The following SNX4 variants were observed in gnomAD, a reference collection of about 807,000 sequenced individuals.
The protein encoded by SNX4 is sorting nexin 4.
In SNX4, 49 loss-of-function variants were observed where a neutral mutation model predicts 70.8. The observed-to-expected ratio is 0.69, with a 90% CI of 0.55 to 0.88. The LOEUF (loss-of-function observed/expected upper bound fraction) is 0.88. Among genes scored for constraint, SNX4 ranks in the 40% least tolerant of loss-of-function variants. SNX4 has a pLI of 0.00. For missense variants in SNX4, 528 were observed against 544.8 expected (o/e 0.97, Z 0.31); for synonymous variants, 206 against 183.8 (o/e 1.12, Z -0.98).
intron 8 of SNX4, among the ~76,000 whole-genome samples, chr3:125,476,222 C>T (rs916372031): frequency 1.6e-4 from 23 of 141,188 alleles, no homozygotes; most frequent in African/African-American, 3.8e-4. Context: ...GCTGAGATTG[C>T]GCCACTGCAT....
chr3:125,476,902 C>T (rs1312753474), intron 7 of SNX4, 146 bp from the exon 8 acceptor site: 25 of 553,088 alleles, frequency 4.5e-5, no homozygotes, highest in Non-Finnish European at 3.2e-6. Context: ...AATCCCATCC[C>T]CCTAAAACTA....
chr3:125,499,723 G>A (rs1934882403), intron 2 of SNX4, among the ~76,000 whole-genome samples: 2 of 148,714 alleles, frequency 1.3e-5, no homozygotes, highest in South Asian at 4.2e-4. Context: ...CCTATAAGCA[G>A]TACACCTACA....
At chr3:125,463,323 T>C (rs1268707613) in intron 9 of SNX4, among the ~76,000 whole-genome samples, 1 of 152,228 alleles carries the variant, frequency 6.6e-6, no homozygotes, top group Non-Finnish European at 1.5e-5. Flanking sequence ...TTCCTAAGTC[T>C]ATGATTCTGG....
chr3:125,453,628 C>T (rs1434049653), intron 12 of SNX4, among the ~76,000 whole-genome samples, 182 bp downstream of exon 12: 8 of 151,912 alleles, frequency 5.3e-5, no homozygotes, highest in African/African-American at 9.7e-5. Context: ...GGATTACAGG[C>T]GTGAGCCACC....
chr3:125,519,758 C>G (rs1405009889), intron 1 of SNX4, among the ~76,000 whole-genome samples: 1 of 152,086 alleles, frequency 6.6e-6, no homozygotes, highest in Admixed American at 6.5e-5. Context: ...GGGGCGCCCC[C>G]CCGGGTCCCT....
chr3:125,469,433 A>T, intron 9 of SNX4, 21 bp downstream of exon 9: 2 of 1,591,294 alleles, frequency 1.3e-6, no homozygotes, highest in Non-Finnish European at 1.7e-6. Context: ...CAGGCTTCAC[A>T]AAAGTTCTCG....
In SNX4 at chr3:125,448,669, C is replaced by CTTT. The variant is rs921502028; in HGVS notation, c.1306-846_1306-844dup. ...AACAGTAAAACTTAAGGGTTTTTTC[C>CTTT]TTTTTTTTTTTTTTTTTTTTTTTTG... is the stretch of plus-strand genomic sequence containing the variant. On this transcript the variant is annotated intron_variant, in intron 13 of 13. Transcript: ENST00000251775. Among the ~76,000 whole-genome samples the CTTT allele has an allele frequency of 3.6e-3, 341 of 95,340 alleles. 5 individuals carry two copies. Among genetic ancestry groups the CTTT allele is most frequent in the African/African-American group, 7.7e-3 (174 of 22,472 alleles). The allele number at this position is 95,340 out of a possible 152,430, so 62.5% of individuals were successfully genotyped here.
chr3:125,510,338 C>G (rs1275324984), intron 1 of SNX4, among the ~76,000 whole-genome samples: 2 of 151,736 alleles, frequency 1.3e-5, no homozygotes, highest in African/African-American at 4.8e-5. Flanking sequence ...CGCCACCATT[C>G]TCCCGTCTCA....
rs751613360 is a variant in SNX4, at chr3:125,480,244, T to TA, written c.726+2dup. 6.5e-7 allele frequency: 1 copy of TA among 1,544,712 alleles called. No individual in the cohort carries two copies. The highest frequency in any genetic ancestry group is 2.4e-5 in the East Asian group (1 of 42,386). On this transcript the variant is annotated splice_region_variant and intron_variant, in intron 7 of 13. Coordinates refer to ENST00000251775, the MANE Select transcript of SNX4 (RefSeq NM_003794.4). Reference sequence around the variant, plus strand: ...CATCAAAAAGCTTTTGGGGACCACTTACAGCTCTGACTCGAAGAAGATGTG... The same window carrying TA: ...CATCAAAAAGCTTTTGGGGACCACTTAACAGCTCTGACTCGAAGAAGATGTG...
At chr3:125,466,643 G>A (rs2107534530) in intron 9 of SNX4, among the ~76,000 whole-genome samples, 1 of 152,192 alleles carries the variant, frequency 6.6e-6, no homozygotes, top group South Asian at 2.1e-4. Context: ...ATGGGCAAAG[G>A]AGGCCAGGCG....
intron 5 of SNX4, among the ~76,000 whole-genome samples, chr3:125,489,734 G>A (rs751881506): frequency 6.6e-6 from 1 of 152,190 alleles, no homozygotes; most frequent in East Asian, 1.9e-4. Context: ...CAGGCATATA[G>A]CTCTGCATTA....
chr3:125,451,356 T>G lies in SNX4; in HGVS notation c.1254A>C (p.Leu418Phe). 6.2e-7 allele frequency: 1 copy of G among 1,614,018 alleles called. No individual in the cohort carries two copies. The highest frequency in any genetic ancestry group is 8.5e-7 in the Non-Finnish European group (1 of 1,179,922). Residue 418 changes from leucine (L) to phenylalanine (F), a missense_variant, in exon 13 of 14, where the codon TTA (leucine) becomes TTC (phenylalanine). By Grantham distance (22) the Leu-to-Phe change is conservative (BLOSUM62 0). Around this residue, in one of 3 missense-constraint regions of SNX4, gnomAD observed 159 missense variants for 172.6 expected, o/e 0.92. Transcript: ENST00000251775. The part of the protein sequence containing the change: ...ERFKEQKNRD[L>F]KEALISYAVM... ...CTGCATAGCTTATGAGGGCCTCCTT[T>G]AAGTCTCGGTTCTTTTGTTCTTTGA... is the stretch of plus-strand genomic sequence containing the variant.
At chr3:125,501,762 T>TA (rs1269896607) in intron 2 of SNX4, among the ~76,000 whole-genome samples, 2 of 152,208 alleles carry the variant, frequency 1.3e-5, no homozygotes, top group Admixed American at 6.5e-5. Context: ...TTTTTAAGTA[T>TA]AAAATCCATG....
At chr3:125,500,329 T>C (rs1036143068) in intron 2 of SNX4, among the ~76,000 whole-genome samples, 1 of 152,188 alleles carries the variant, frequency 6.6e-6, no homozygotes, top group Non-Finnish European at 1.5e-5. Context: ...CATTACTACC[T>C]ATTCTAAAAG....
chr3:125,486,521 G>A (rs1424211553), intron 6 of SNX4, among the ~76,000 whole-genome samples: 1 of 152,154 alleles, frequency 6.6e-6, no homozygotes, highest in Non-Finnish European at 1.5e-5. Flanking sequence ...AGCTACTCAG[G>A]AGGCTGAGGC....
intron 1 of SNX4, among the ~76,000 whole-genome samples, chr3:125,516,375 T>C (rs1326533499): frequency 6.6e-6 from 1 of 152,216 alleles, no homozygotes; most frequent in Non-Finnish European, 1.5e-5. Flanking sequence ...TAAATAGAAC[T>C]GACTATAGCT....
Position 125,498,097 on chromosome 3 carries a change from A to G in SNX4, c.361T>C (p.Tyr121His), listed in dbSNP as rs1227221085. Residue 121 changes from tyrosine (Y) to histidine (H), a missense_variant, in exon 3 of 14, where the codon TAT (tyrosine) becomes CAT (histidine). Transcript: ENST00000251775. The stretch of plus-strand genomic sequence containing the variant: ...AGAGGTGGCACAACAATATGTGGAT[A>G]GTAAACTAAAAGGTAGCTTCTCAAC... ...ELLRSYLLVY[Y>H]PHIVVPPLPE... 1 of 1,614,224 alleles carries G rather than the reference A, an allele frequency of 6.2e-7. No homozygotes were observed. The highest frequency in any genetic ancestry group is 1.7e-5 in the Admixed American group (1 of 60,028).
intron 7 of SNX4, among the ~76,000 whole-genome samples, chr3:125,479,517 T>TGCACTG (rs200155935): frequency 0.041 from 6,212 of 152,162 alleles, 216 homozygotes; most frequent in East Asian, 0.12. Flanking sequence ...ATTGTGCCAC[T>TGCACTG]GCACTCCAGC....
chr3:125,497,521 C>T, intron 4 of SNX4, 133 bp from the exon 5 acceptor site: 1 of 667,724 alleles, frequency 1.5e-6, no homozygotes, highest in Admixed American at 2.8e-5. Flanking sequence ...TTTCTTTTCA[C>T]TTCAAAATTA....
Sources: gnomAD v4.1 joint callset for allele counts (sites outside exome capture counted in the v4.1 genomes callset) on GRCh38, gnomAD v4.1.1 for gene constraint, gnomAD v4.1.1 regional missense constraint, MANE v1.5 for transcripts, NCBI Gene and HGNC (gene_info 2026-07-23, HGNC 2026-07-21) for gene names.